Variants in TRDN observed in about 807,000 individuals in gnomAD.
The protein encoded by TRDN is triadin in skeletal muscle.
In TRDN, 161 loss-of-function variants were observed where a neutral mutation model predicts 149.7. That is an observed-to-expected ratio of 1.08 (90% CI 0.95 to 1.23). TRDN has a LOEUF of 1.23. Ranked by LOEUF, TRDN falls within the 50% of genes most tolerant of loss-of-function variation. The pLI is 0.00. For missense variants in TRDN, 896 were observed against 823.5 expected, an observed-to-expected ratio of 1.09 and a Z score of -1.08; for synonymous variants, 294 against 250.5, an observed-to-expected ratio of 1.17 and a Z score of -1.64.
At chr6:123,552,307 C>T (rs577922213) in intron 2 of TRDN, among the ~76,000 whole-genome samples, 1 of 152,120 alleles carries the variant, frequency 6.6e-6, no homozygotes, top group South Asian at 2.1e-4. Flanking sequence ...TTTATTTGTC[C>T]TCTGGTTTTG....
chr6:123,332,606 T>C (rs1779702896), intron 22 of TRDN, among the ~76,000 whole-genome samples: 1 of 152,130 alleles, frequency 6.6e-6, no homozygotes, highest in Non-Finnish European at 1.5e-5. Context: ...ATCATTATAT[T>C]CAACAGCCTA....
chr6:123,384,476 G>A (rs1157839850), intron 14 of TRDN, among the ~76,000 whole-genome samples: 1 of 152,032 alleles, frequency 6.6e-6, no homozygotes, highest in Non-Finnish European at 1.5e-5. Flanking sequence ...GGAAATGTGG[G>A]AACACAGAGA....
At chr6:123,330,947 A>C (rs538364886) in intron 23 of TRDN, among the ~76,000 whole-genome samples, 237 of 152,106 alleles carry the variant, frequency 1.6e-3, no homozygotes, top group Admixed American at 3.4e-3. Flanking sequence ...AGTAAGATGA[A>C]AGTTGTACAG....
chr6:123,570,207 G>A (rs1570188), intron 2 of TRDN, among the ~76,000 whole-genome samples: 60,704 of 151,938 alleles, frequency 0.4, 13,043 homozygotes, highest in East Asian at 0.85. Flanking sequence ...GAAATGTTTC[G>A]CTTATGGTAA....
In TRDN at chr6:123,259,650, G is replaced by T; in HGVS notation, c.1844C>A (p.Thr615Asn). The change falls in exon 35 of 41, where the codon ACT (threonine) becomes AAT (asparagine). Residue 615 changes from threonine (T) to asparagine (N), a missense_variant. Coordinates refer to ENST00000334268, the MANE Select transcript of TRDN (RefSeq NM_006073.4). ...SEVTESGKKKTEISEKESKEK... is the reference protein window; with the variant it reads ...SEVTESGKKKNEISEKESKEK... Reference sequence around the variant, plus strand: ...TTTACTTTCTTTTTCAGATATTTCAGTTTTCTTCTTTCCTAGGGGAAAGAA... The same window carrying T: ...TTTACTTTCTTTTTCAGATATTTCATTTTTCTTCTTTCCTAGGGGAAAGAA... 1.4e-6 allele frequency: 2 copies of T among 1,467,936 alleles called. No individual in the cohort carries two copies. The highest frequency in any genetic ancestry group is 2.6e-5 in the East Asian group (1 of 39,046). 90.9% of individuals were successfully genotyped at this position (1,467,936 alleles called of 1,614,324 possible). A position where few individuals can be genotyped will look rare whatever the true frequency, so the allele number is the denominator to read the frequency against.
chr6:123,505,551 G>A (rs1331387440), intron 7 of TRDN, among the ~76,000 whole-genome samples: 1 of 152,082 alleles, frequency 6.6e-6, no homozygotes, highest in Admixed American at 6.6e-5. Flanking sequence ...AATTCATTTG[G>A]CAACAATAAG....
At position 123,217,359 on chromosome 6, in the gene TRDN, C is replaced by T. The variant is rs149505912; in HGVS notation, c.*1242G>A. On this transcript the variant is annotated 3_prime_UTR_variant, in exon 41 of 41. Transcript: ENST00000334268. ...TCTCAGGCCTTGCTGATGGTAATTA[C>T]AATGCTAGAAAGGATAACTCAATTT... is the stretch of plus-strand genomic sequence containing the variant. The T allele has an allele frequency of 6.6e-6, 1 of 151,992 alleles. No homozygotes were observed. Among genetic ancestry groups the T allele is most frequent in the East Asian group, 1.9e-4 (1 of 5,142 alleles). The allele number at this position is 151,992 out of a possible 1,614,324, so 9.4% of individuals were successfully genotyped here.
At chr6:123,287,739 T>A (rs1388288181) in intron 24 of TRDN, among the ~76,000 whole-genome samples, 1 of 152,066 alleles carries the variant, frequency 6.6e-6, no homozygotes, top group Non-Finnish European at 1.5e-5. Context: ...TTGAGGTCTA[T>A]AAAATATATG....
At chr6:123,571,255 T>C (rs1782562895) in intron 1 of TRDN, 123 bp from the exon 2 acceptor site, 1 of 999,744 alleles carries the variant, frequency 1.0e-6, no homozygotes, top group African/African-American at 1.6e-5. Context: ...GCACAACTCC[T>C]TAGTGGCAGG....
At chr6:123,553,002 T>C (rs1781473922) in intron 2 of TRDN, among the ~76,000 whole-genome samples, 1 of 152,100 alleles carries the variant, frequency 6.6e-6, no homozygotes. Flanking sequence ...TGCTGAACCA[T>C]AAAATGACAA....
chr6:123,335,682 T>C (rs1779834894), intron 22 of TRDN, among the ~76,000 whole-genome samples: 1 of 151,926 alleles, frequency 6.6e-6, no homozygotes, highest in African/African-American at 2.4e-5. Context: ...TTGCCCAAAG[T>C]GTAGCTTTGG....
At chr6:123,308,332 G>A (rs961955508) in intron 24 of TRDN, among the ~76,000 whole-genome samples, 6 of 72,592 alleles carry the variant, frequency 8.3e-5, no homozygotes, top group South Asian at 6.7e-4. Context: ...ATGAGTGCAC[G>A]TGTGTGTTTT....
At chr6:123,273,296 C>T (rs770408145) in intron 28 of TRDN, 41 bp downstream of exon 28, 20 of 1,076,594 alleles carry the variant, frequency 1.9e-5, no homozygotes, top group Middle Eastern at 2.5e-4. Context: ...AATATTTTTT[C>T]GTAAGAAAGT....
chr6:123,271,203 T>C lies in TRDN; in HGVS notation c.1673-17A>G. On this transcript the variant is annotated splice_polypyrimidine_tract_variant and intron_variant, in intron 29 of 40. Transcript: ENST00000334268. ...CTTTTTCTTCTGTGATAGGAAAAAATGTTAACACAAGTAGGAAATTTGAAT... is the reference window on the plus strand; with the variant it reads ...CTTTTTCTTCTGTGATAGGAAAAAACGTTAACACAAGTAGGAAATTTGAAT... The C allele has an allele frequency of 6.6e-7, 1 of 1,518,470 alleles. No individual in the cohort carries two copies. Among genetic ancestry groups the C allele is most frequent in the East Asian group, 2.4e-5 (1 of 41,198 alleles). 94.1% of individuals were successfully genotyped at this position (1,518,470 alleles called of 1,614,324 possible). A position where few individuals can be genotyped will look rare whatever the true frequency, so the allele number is the denominator to read the frequency against.
At chr6:123,499,579 C>T (rs931073591) in intron 8 of TRDN, among the ~76,000 whole-genome samples, 1 of 149,852 alleles carries the variant, frequency 6.7e-6, no homozygotes, top group Non-Finnish European at 1.5e-5. Context: ...TGGAGGGCAC[C>T]TGTAATCCCA....
At chr6:123,255,784 TC>T in intron 36 of TRDN, 82 bp downstream of exon 36, 7 of 976,770 alleles carry the variant, frequency 7.2e-6, no homozygotes, top group Non-Finnish European at 9.9e-6. Flanking sequence ...AAGTTTTTTT[TC>T]ATATGATATA....
intron 8 of TRDN, 51 bp from the exon 9 acceptor site, chr6:123,497,303 A>C: frequency 8.0e-7 from 1 of 1,247,104 alleles, no homozygotes; most frequent in Non-Finnish European, 1.1e-6. Flanking sequence ...TCAACACTTC[A>C]TTTTTCTACA....
chr6:123,309,710 G>C (rs993676850), intron 24 of TRDN, among the ~76,000 whole-genome samples: 3 of 151,112 alleles, frequency 2.0e-5, no homozygotes, highest in African/African-American at 4.9e-5. Flanking sequence ...ATTTTGGGGA[G>C]GTTTGCAACA....
intron 9 of TRDN, among the ~76,000 whole-genome samples, chr6:123,495,913 GGAGTT>G (rs1562346362): frequency 1.3e-5 from 2 of 151,634 alleles, no homozygotes; most frequent in African/African-American, 4.8e-5. Context: ...AGAAAAGGAT[GGAGTT>G]AAGAATTATC....
Sources: allele counts gnomAD v4.1 joint callset (sites outside exome capture counted in the v4.1 genomes callset), GRCh38; gene constraint gnomAD v4.1.1; transcripts MANE v1.5; gene names NCBI Gene and HGNC (gene_info 2026-07-23, HGNC 2026-07-21).